COL23A1: variants seen among roughly 807,000 people sequenced by gnomAD.
The protein encoded by COL23A1 is collagen alpha-1(XXIII) chain.
COL23A1 carries 97 observed loss-of-function variants against 99.3 expected under a neutral mutation model. The observed-to-expected ratio is 0.98, with a 90% CI of 0.83 to 1.16. The LOEUF is 1.16. Ranked by LOEUF, COL23A1 falls within the 50% of genes most tolerant of loss-of-function variation. COL23A1 has a pLI of 0.00. For synonymous variants in COL23A1, 320 were observed against 308.2 expected, an observed-to-expected ratio of 1.04 and a Z score of -0.40; for missense variants, 762 against 757.4, an observed-to-expected ratio of 1.01 and a Z score of -0.07.
At chr5:178,321,576 G>GCCTC (rs1441884867) in intron 2 of COL23A1, among the ~76,000 whole-genome samples, 26 of 130,906 alleles carry the variant, frequency 2.0e-4, no homozygotes, top group African/African-American at 6.7e-4. Flanking sequence ...TGCAAGCTCC[G>GCCTC]CCTCCCAGGT....
At chr5:178,240,565 T>C (rs555978306) in intron 27 of COL23A1, among the ~76,000 whole-genome samples, 11 of 152,204 alleles carry the variant, frequency 7.2e-5, no homozygotes, top group Non-Finnish European at 1.3e-4. Flanking sequence ...AAGGGCTTAC[T>C]GATTTGGAGG....
chr5:178,533,840 T>C (rs1581582987), intron 2 of COL23A1, among the ~76,000 whole-genome samples: 1 of 152,172 alleles, frequency 6.6e-6, no homozygotes, highest in Non-Finnish European at 1.5e-5. Context: ...ACTGAAGGAA[T>C]ATATAATATA....
rs557760366 is a variant in COL23A1, at chr5:178,573,579, G to C, written c.295-12831C>G. ...TGAAAGGGTTGGTCTACAAACAAAT[G>C]GGATTCCTCAGTAATCCTTCATTCA... On this transcript the variant is annotated intron_variant, in intron 1 of 28. Transcript: ENST00000390654. 2.6e-5 allele frequency among the ~76,000 whole-genome samples: 4 copies of C among 152,172 alleles called. No individual in the cohort carries two copies. In the East Asian group the frequency reaches 7.7e-4, roughly 29 times the overall value.
chr5:178,292,770 G>C (rs1757530110), intron 3 of COL23A1, among the ~76,000 whole-genome samples: 1 of 152,174 alleles, frequency 6.6e-6, no homozygotes, highest in African/African-American at 2.4e-5. Context: ...TGAAAGGATG[G>C]GGCTGCCGTC....
At chr5:178,451,325 G>A (rs1240830665) in intron 2 of COL23A1, among the ~76,000 whole-genome samples, 1 of 152,066 alleles carries the variant, frequency 6.6e-6, no homozygotes, top group Non-Finnish European at 1.5e-5. Context: ...AAGAGAATAA[G>A]AAGCAATGAA....
chr5:178,585,665 A>ACAGCC (rs1258736602), intron 1 of COL23A1, among the ~76,000 whole-genome samples: 9 of 2,434 alleles, frequency 3.7e-3, no homozygotes, highest in African/African-American at 6.3e-3. Context: ...CTGGGGTAAC[A>ACAGCC]CTCCACAGCC....
At chr5:178,445,283 G>C (rs1013789812) in intron 2 of COL23A1, among the ~76,000 whole-genome samples, 1 of 151,646 alleles carries the variant, frequency 6.6e-6, no homozygotes, top group Non-Finnish European at 1.5e-5. Context: ...TTTTATACTG[G>C]GGTCTGTTTC....
chr5:178,532,328 G>T (rs1760692924), intron 2 of COL23A1, among the ~76,000 whole-genome samples: 1 of 152,226 alleles, frequency 6.6e-6, no homozygotes, highest in Admixed American at 6.5e-5. Flanking sequence ...AAAACCTGGG[G>T]ATGGAAGTGG....
At chr5:178,442,792 A>C (rs1453172749) in intron 2 of COL23A1, 1 of 152,542 alleles carries the variant, frequency 6.6e-6, no homozygotes, top group Non-Finnish European at 1.5e-5. Flanking sequence ...CCTGCTGGGG[A>C]AGGGCCTCTG....
At chr5:178,321,480 CTTTTTTT>C (rs570803192) in intron 2 of COL23A1, among the ~76,000 whole-genome samples, 31 of 109,026 alleles carry the variant, frequency 2.8e-4, no homozygotes, top group East Asian at 9.6e-4. Context: ...GTCACCTTCC[CTTTTTTT>C]TTTTTTTTTT....
intron 2 of COL23A1, among the ~76,000 whole-genome samples, chr5:178,358,635 AGT>A (rs546261870): frequency 0.015 from 1,887 of 124,654 alleles, 25 homozygotes; most frequent in African/African-American, 0.041. Flanking sequence ...GTATGTGTCT[AGT>A]GTGTGTGTGT....
At chr5:178,345,595 C>T (rs1760921585) in intron 2 of COL23A1, among the ~76,000 whole-genome samples, 1 of 151,884 alleles carries the variant, frequency 6.6e-6, no homozygotes, top group South Asian at 2.1e-4. Flanking sequence ...CGACTCACTG[C>T]AAGCTCCGCC....
chr5:178,426,686 G>T (rs974539180), intron 2 of COL23A1, among the ~76,000 whole-genome samples: 3 of 152,188 alleles, frequency 2.0e-5, no homozygotes, highest in African/African-American at 4.8e-5. Context: ...GAGACAAGCC[G>T]CAGAGAGAGA....
intron 3 of COL23A1, among the ~76,000 whole-genome samples, chr5:178,299,912 C>T (rs1242009918): frequency 1.3e-5 from 2 of 151,730 alleles, no homozygotes; most frequent in Admixed American, 6.6e-5. Flanking sequence ...CACCACCACA[C>T]CCAGCTAATT....
Position 178,468,552 on chromosome 5 carries a change from G to A in COL23A1, c.361+92130C>T, listed in dbSNP as rs956596491. ...TCACACCCAGGCCTCACCCGGCCCC[G>A]TCCCTCTGAGCTGACCTCAGGCTGC... On this transcript the variant is annotated intron_variant, in intron 2 of 28. Transcript: ENST00000390654. The surrounding 1 kb of genome is among the most constrained non-coding windows in gnomAD (Gnocchi z 4.2). Among the ~76,000 whole-genome samples the A allele has an allele frequency of 3.3e-5, 5 of 151,970 alleles. No homozygotes were observed. The highest frequency in any genetic ancestry group is 1.3e-4 in the Admixed American group (2 of 15,270).
At chr5:178,550,214 A>G (rs1761929361) in intron 2 of COL23A1, among the ~76,000 whole-genome samples, 1 of 152,240 alleles carries the variant, frequency 6.6e-6, no homozygotes, top group South Asian at 2.1e-4. Flanking sequence ...TATGTAAACT[A>G]AAGAAGATTT....
At chr5:178,246,604 G>C (rs1003030931) in intron 22 of COL23A1, 151 bp from the exon 23 acceptor site, 37 of 740,722 alleles carry the variant, frequency 5.0e-5, no homozygotes, top group Middle Eastern at 3.8e-4. Context: ...CCTGGTGAGG[G>C]TGATCAGGAG....
intron 1 of COL23A1, among the ~76,000 whole-genome samples, chr5:178,582,567 A>C (rs920705644): frequency 6.6e-6 from 1 of 152,186 alleles, no homozygotes; most frequent in Non-Finnish European, 1.5e-5. Context: ...CACAGGGCTC[A>C]CAGCGCACCC....
chr5:178,410,311 G>T (rs11249802), intron 2 of COL23A1, among the ~76,000 whole-genome samples: 23,757 of 152,162 alleles, frequency 0.16, 2,420 homozygotes, highest in Middle Eastern at 0.27. Flanking sequence ...GCAATCTACA[G>T]ATTCAATGCA....
Sources: allele counts gnomAD v4.1 joint callset (sites outside exome capture counted in the v4.1 genomes callset), GRCh38; gene constraint gnomAD v4.1.1; non-coding constraint Gnocchi (gnomAD v3.1); transcripts MANE v1.5; gene names NCBI Gene and HGNC (gene_info 2026-07-23, HGNC 2026-07-21).